Variants in AGPS observed in about 807,000 individuals in gnomAD.
AGPS encodes alkyldihydroxyacetonephosphate synthase, peroxisomal.
In AGPS, 26 loss-of-function variants were observed where a neutral mutation model predicts 90.7. The observed-to-expected ratio is 0.29, with a 90% CI of 0.21 to 0.40. The LOEUF is 0.40. AGPS is among the 10% of genes least tolerant of loss of function. The pLI is 1.00. For synonymous variants in AGPS, 294 were observed against 285.3 expected, an observed-to-expected ratio of 1.03 and a Z score of -0.31; for missense variants, 540 against 816.1, an observed-to-expected ratio of 0.66 and a Z score of 4.12.
At chr2:177,440,821 T>G (rs779288273) in intron 5 of AGPS, 144 bp from the exon 6 acceptor site, 39 of 661,492 alleles carry the variant, frequency 5.9e-5, no homozygotes, top group Non-Finnish European at 1.0e-4. Context: ...GTAAAGTGTT[T>G]TAGTACTCAA....
chr2:177,424,842 G>A (rs1297475058), intron 2 of AGPS, among the ~76,000 whole-genome samples: 1 of 152,138 alleles, frequency 6.6e-6, no homozygotes, highest in Admixed American at 6.5e-5. Context: ...GTGATGCTGA[G>A]CTTTTTTTCA....
At position 177,393,053 on chromosome 2, in the gene AGPS, A is replaced by T; in HGVS notation, c.260+4A>T. The T allele has an allele frequency of 6.5e-7, 1 of 1,550,310 alleles. No individual in the cohort carries two copies. The highest frequency in any genetic ancestry group is 8.7e-7 in the Non-Finnish European group (1 of 1,146,790). ...CGGGCACCATCCCAAAGAAGCGGTGAGTAGCGGTATGTGGAAGGAGTTAGC... is the reference window on the plus strand; with the variant it reads ...CGGGCACCATCCCAAAGAAGCGGTGTGTAGCGGTATGTGGAAGGAGTTAGC... On this transcript the variant is annotated splice_donor_region_variant and intron_variant, in intron 1 of 19. Transcript: ENST00000264167.
intron 1 of AGPS, among the ~76,000 whole-genome samples, chr2:177,399,897 G>A (rs539637859): frequency 3.3e-4 from 51 of 152,246 alleles, no homozygotes; most frequent in African/African-American, 1.1e-3. Context: ...TATTATGTTT[G>A]TGATATTCCT....
chr2:177,422,514 G>T (rs1685969655), intron 2 of AGPS, among the ~76,000 whole-genome samples: 1 of 152,102 alleles, frequency 6.6e-6, no homozygotes, highest in Non-Finnish European at 1.5e-5. Flanking sequence ...GGAGAATAAG[G>T]GTTCATCTGA....
In AGPS at chr2:177,436,892, A is replaced by T. The variant is rs1686427768; in HGVS notation, c.562+8A>T. On this transcript the variant is annotated splice_region_variant and intron_variant, in intron 4 of 19. Coordinates refer to ENST00000264167, the MANE Select transcript of AGPS (RefSeq NM_003659.4). ...GAGTATTTAGAGCTCATGGTAAGTT[A>T]CTTTATATTAGCCCTATTTATTTTT... 2 of 1,612,246 alleles carry T rather than the reference A, an allele frequency of 1.2e-6. No individual in the cohort carries two copies. Among genetic ancestry groups the T allele is most frequent in the Admixed American group, 1.7e-5 (1 of 59,982 alleles).
At chr2:177,453,441 C>T (rs1465340061) in intron 8 of AGPS, among the ~76,000 whole-genome samples, 2 of 151,334 alleles carry the variant, frequency 1.3e-5, no homozygotes, top group Non-Finnish European at 2.9e-5. Context: ...CCAGCTAATA[C>T]TATATTTTTA....
chr2:177,493,175 A>G lies in AGPS; in HGVS notation c.1261A>G (p.Met421Val), dbSNP rs1352237725. ...QRCAPASIRL[M>V]DNKQFQFGHA... is the part of the protein sequence containing the mutation. ...ATGTGCTCCGGCATCTATTCGCCTC[A>G]TGGACAACAAGCAGTTTCAGTTTGG... is the stretch of plus-strand genomic sequence containing the variant. The change falls in exon 12 of 20, where the codon ATG (methionine) becomes GTG (valine). Residue 421 changes from methionine (M) to valine (V), a missense_variant. Physicochemically the swap from Met to Val is conservative, Grantham distance 21. Transcript: ENST00000264167. The G allele has an allele frequency of 1.2e-6, 2 of 1,613,366 alleles. No individual in the cohort carries two copies. Among genetic ancestry groups the G allele is most frequent in the African/African-American group, 2.7e-5 (2 of 74,832 alleles).
Position 177,436,762 on chromosome 2 carries a change from A to G in AGPS, c.442-2A>G. The stretch of plus-strand genomic sequence containing the variant: ...GTCAAAGAAATCAATTTTATTTTCT[A>G]GGCATCCTTAAATCCTAGTGATACA... On this transcript the variant is annotated splice_acceptor_variant, in intron 3 of 19. Coordinates refer to ENST00000264167, the MANE Select transcript of AGPS (RefSeq NM_003659.4). LOFTEE classifies it high-confidence loss of function. The G allele has an allele frequency of 6.2e-7, 1 of 1,610,844 alleles. No individual in the cohort carries two copies. Among genetic ancestry groups the G allele is most frequent in the Non-Finnish European group, 8.5e-7 (1 of 1,178,582 alleles).
chr2:177,482,599 G>A (rs573336862), intron 11 of AGPS, among the ~76,000 whole-genome samples: 19 of 151,910 alleles, frequency 1.3e-4, no homozygotes, highest in Non-Finnish European at 2.1e-4. Context: ...AAAAGTAATG[G>A]CTAAATATCA....
chr2:177,508,163 A>G lies in AGPS; in HGVS notation c.1607+132A>G. ...AACATTGAGACAAGGCAGCTACTTTATTTAAATTAATATATTCATCAGAAT... is the reference window on the plus strand; with the variant it reads ...AACATTGAGACAAGGCAGCTACTTTGTTTAAATTAATATATTCATCAGAAT... On this transcript the variant is annotated intron_variant, in intron 16 of 19. Transcript: ENST00000264167. 7 of 694,432 alleles carry G rather than the reference A, an allele frequency of 1.0e-5. No individual in the cohort carries two copies. The South Asian group carries it at 1.1e-4, about 11-fold the overall frequency. 43.0% of individuals were successfully genotyped at this position (694,432 alleles called of 1,614,324 possible).
intron 16 of AGPS, among the ~76,000 whole-genome samples, chr2:177,509,861 A>G (rs571437690): frequency 1.3e-5 from 2 of 152,326 alleles, no homozygotes; most frequent in South Asian, 4.1e-4. Context: ...AGTAAGGCAG[A>G]CATTTTAACG....
rs768650581 is a variant in AGPS at position 177,437,065 on chromosome 2, C to T, written c.637+11C>T. 1 of 1,611,208 alleles carries T rather than the reference C, an allele frequency of 6.2e-7. No homozygotes were observed. ...TAGTTTTATGGCCAAGTAAGTTTTC[C>T]CCTCCTCGTATCATTAATTTAGTAT... On this transcript the variant is annotated intron_variant, in intron 5 of 19. Coordinates refer to ENST00000264167, the MANE Select transcript of AGPS (RefSeq NM_003659.4).
At chr2:177,463,008 CT>C (rs1255890288) in intron 9 of AGPS, among the ~76,000 whole-genome samples, 1 of 152,116 alleles carries the variant, frequency 6.6e-6, no homozygotes, top group Non-Finnish European at 1.5e-5. Flanking sequence ...ACTCTGTTTC[CT>C]TAGGAGATTT....
intron 7 of AGPS, among the ~76,000 whole-genome samples, chr2:177,443,269 C>A (rs1288418115): frequency 6.6e-6 from 1 of 152,046 alleles, no homozygotes; most frequent in East Asian, 1.9e-4. Flanking sequence ...TTTTATAGTT[C>A]ATTTGTTCAA....
chr2:177,526,343 C>T (rs905221903), intron 19 of AGPS, among the ~76,000 whole-genome samples: 8 of 151,272 alleles, frequency 5.3e-5, no homozygotes, highest in African/African-American at 1.9e-4. Context: ...GATTCTCATG[C>T]CTCAGCCTTC....
chr2:177,445,478 GA>G, intron 7 of AGPS, 67 bp from the exon 8 acceptor site: 1 of 1,342,734 alleles, frequency 7.4e-7, no homozygotes, highest in South Asian at 1.2e-5. Flanking sequence ...TTTGAATTAG[GA>G]AGTTATATTT....
Position 177,436,834 on chromosome 2 carries a change from C to A in AGPS, c.512C>A (p.Thr171Asn). ...NEDFLHDLKE[T>N]NISYSQEADD... ...GATTTTCTTCATGACCTTAAAGAAA[C>A]TAATATTTCATATTCACAAGAGGCA... Residue 171 changes from threonine (T) to asparagine (N), a missense_variant, in exon 4 of 20, where the codon ACT (threonine) becomes AAT (asparagine). Thr to Asn is a moderately conservative substitution (Grantham distance 65, BLOSUM62 0). Around this residue, in one of 2 missense-constraint regions of AGPS, gnomAD observed 405 missense variants for 692.1 expected, o/e 0.59. Transcript: ENST00000264167. The A allele has an allele frequency of 6.2e-7, 1 of 1,612,094 alleles. No individual in the cohort carries two copies. The highest frequency in any genetic ancestry group is 1.1e-5 in the South Asian group (1 of 91,014).
intron 19 of AGPS, among the ~76,000 whole-genome samples, chr2:177,530,312 G>A (rs2079127397): frequency 6.6e-6 from 1 of 152,134 alleles, no homozygotes; most frequent in Non-Finnish European, 1.5e-5. Flanking sequence ...CTGTTTATAG[G>A]TAATCATATA....
At chr2:177,451,629 G>C (rs1296154404) in intron 8 of AGPS, among the ~76,000 whole-genome samples, 1 of 152,074 alleles carries the variant, frequency 6.6e-6, no homozygotes, top group Non-Finnish European at 1.5e-5. Context: ...TAACTATTAA[G>C]TATTTGTTAA....
Sources: gnomAD v4.1 joint callset for allele counts (sites outside exome capture counted in the v4.1 genomes callset) on GRCh38, gnomAD v4.1.1 for gene constraint, gnomAD v4.1.1 regional missense constraint, MANE v1.5 for transcripts, NCBI Gene and HGNC (gene_info 2026-07-23, HGNC 2026-07-21) for gene names.